The following PHF8 variants were observed in gnomAD, a reference collection of about 807,000 sequenced individuals.
PHF8 encodes histone lysine demethylase PHF8.
In PHF8, 9 loss-of-function variants were observed where a neutral mutation model predicts 74.4. The observed-to-expected ratio is 0.12, with a 90% CI of 0.07 to 0.21. The LOEUF (loss-of-function observed/expected upper bound fraction) is 0.21. Ranked by LOEUF, PHF8 falls within the 10% of genes least tolerant of loss-of-function variation. The pLI is 1.00. For missense variants in PHF8, 478 were observed against 816.6 expected, an observed-to-expected ratio of 0.59 and a Z score of 5.05; for synonymous variants, 311 against 316.6, an observed-to-expected ratio of 0.98 and a Z score of 0.19.
chrX:54,044,207 C>T lies in PHF8; in HGVS notation c.-538G>A. ...ACGGGCAAGTGGCGTCGTCGCTGGG[C>T]CGGCAGGAGATACTCGCGAGCAAAC... On this transcript the variant is annotated 5_prime_UTR_variant, in exon 1 of 22. Transcript: ENST00000338154. The T allele has an allele frequency of 1.3e-6, 1 of 755,028 alleles. No homozygotes were observed. Among genetic ancestry groups the T allele is most frequent in the Non-Finnish European group, 1.6e-6 (1 of 639,431 alleles). The allele number at this position is 755,028 out of a possible 1,213,427, so 62.2% of individuals were successfully genotyped here.
intron 2 of PHF8, among the ~76,000 whole-genome samples, chrX:54,037,014 A>T (rs1193672869): frequency 9.2e-6 from 1 of 108,720 alleles, no homozygotes; most frequent in Non-Finnish European, 1.9e-5. Context: ...AAAAAAAAAA[A>T]AAAGAAAAGA....
intron 19 of PHF8, among the ~76,000 whole-genome samples, chrX:53,961,893 C>T (rs782347862): frequency 1.8e-5 from 2 of 111,675 alleles, no homozygotes; most frequent in Non-Finnish European, 3.8e-5. Flanking sequence ...TTGCAGTTCT[C>T]CTCTCAAAAG....
intron 8 of PHF8, among the ~76,000 whole-genome samples, chrX:54,009,844 G>GAAAAAAAAAAA (rs782363250): frequency 1.1e-4 from 1 of 9,390 alleles, no homozygotes; most frequent in African/African-American, 1.6e-4. Flanking sequence ...CTCTGTCTCA[G>GAAAAAAAAAAA]AAAAAAAAAA....
chrX:54,026,921 T>C (rs1179193561), intron 2 of PHF8, among the ~76,000 whole-genome samples: 1 of 111,506 alleles, frequency 9.0e-6, no homozygotes, highest in Non-Finnish European at 1.9e-5. Context: ...ACTTCTACAC[T>C]TGATCTTAGC....
rs1245206411 is a variant in PHF8 at position 53,966,939 on chromosome X, T to C, written c.2444-4000A>G. ...CCCGGTCGCGACCCCGTCTGGGAGG[T>C]GAGGAGCGTCTCTGCCCAGCCGCCC... On this transcript the variant is annotated intron_variant, in intron 18 of 21. Coordinates refer to ENST00000338154, the MANE Select transcript of PHF8 (RefSeq NM_015107.3). Among the ~76,000 whole-genome samples the C allele has an allele frequency of 4.1e-5, 4 of 98,567 alleles. No individual in the cohort carries two copies. The East Asian group carries it at 1.3e-3, about 33-fold the overall frequency. The allele number at this position is 98,567 out of a possible 115,157, so 85.6% of individuals were successfully genotyped here.
rs2066605978 is a variant in PHF8 at position 54,043,917 on chromosome X, C to T, written c.-248G>A. The stretch of plus-strand genomic sequence containing the variant: ...TCAGCCCCAGCGACACGCCGGCAGC[C>T]GGGCTAGCTCCGGGACTGCGAAGCG... On this transcript the variant is annotated 5_prime_UTR_variant, in exon 1 of 22. Transcript: ENST00000338154. 10 of 754,794 alleles carry T rather than the reference C, an allele frequency of 1.3e-5. No individual in the cohort carries two copies. Among genetic ancestry groups the T allele is most frequent in the African/African-American group, 2.3e-5 (1 of 44,017 alleles). 62.2% of individuals were successfully genotyped at this position (754,794 alleles called of 1,213,427 possible).
intron 2 of PHF8, among the ~76,000 whole-genome samples, chrX:54,029,420 G>A (rs1603341754): frequency 1.8e-5 from 2 of 112,605 alleles, no homozygotes; most frequent in African/African-American, 3.2e-5. Flanking sequence ...CACACACAGC[G>A]TATGCTGGGG....
chrX:53,975,908 A>G (rs1557095914), intron 18 of PHF8, among the ~76,000 whole-genome samples: 1 of 112,232 alleles, frequency 8.9e-6, no homozygotes, highest in African/African-American at 3.2e-5. Context: ...TGATAGATAT[A>G]TCACTAAGCC....
At chrX:53,950,187 A>G (rs1309804265) in intron 19 of PHF8, among the ~76,000 whole-genome samples, 1 of 111,764 alleles carries the variant, frequency 8.9e-6, no homozygotes, top group African/African-American at 3.2e-5. Flanking sequence ...ACACCTTGAA[A>G]AACAGCAGTC....
At position 54,014,681 on chromosome X, in the gene PHF8, A is replaced by G. The variant is rs183343310; in HGVS notation, c.597-118T>C. ...ATAAGTCAGAGAACAAGTTCCCTCC[A>G]CAGAATCCCCAAAGGCACATAGGAC... On this transcript the variant is annotated intron_variant, in intron 6 of 21. Coordinates refer to ENST00000338154, the MANE Select transcript of PHF8 (RefSeq NM_015107.3). 1.3e-5 allele frequency: 7 copies of G among 531,276 alleles called. No individual in the cohort carries two copies. The East Asian group carries it at 2.5e-4, about 19-fold the overall frequency. The allele number at this position is 531,276 out of a possible 1,213,427, so 43.8% of individuals were successfully genotyped here. A position where few individuals can be genotyped will look rare whatever the true frequency, so the allele number is the denominator to read the frequency against.
In PHF8 at chrX:53,936,891, G is replaced by A. The variant is rs781839795; in HGVS notation, c.*2267C>T. 5 of 110,879 alleles carry A rather than the reference G, an allele frequency of 4.5e-5. No homozygotes were observed. The South Asian group carries it at 1.9e-3, about 43-fold the overall frequency. 9.1% of individuals were successfully genotyped at this position (110,879 alleles called of 1,213,427 possible). A position where few individuals can be genotyped will look rare whatever the true frequency, so the allele number is the denominator to read the frequency against. On this transcript the variant is annotated 3_prime_UTR_variant, in exon 22 of 22. Coordinates refer to ENST00000338154, the MANE Select transcript of PHF8 (RefSeq NM_015107.3). ...AATATATTTAGACATGTACAGAAGC[G>A]GTGGGCTTGTTTTTAAATTGTTTGC...
intron 18 of PHF8, among the ~76,000 whole-genome samples, chrX:53,980,470 C>G (rs1297533269): frequency 9.0e-6 from 1 of 110,812 alleles, no homozygotes; most frequent in Non-Finnish European, 1.9e-5. Flanking sequence ...TCAGGAAAAA[C>G]CAACTCTGCC....
At chrX:54,009,844 G>GGAAAAAAAAAAAAAAAAAAAA (rs2065952773) in intron 8 of PHF8, among the ~76,000 whole-genome samples, 7 of 9,388 alleles carry the variant, frequency 7.5e-4, no homozygotes, top group African/African-American at 9.4e-4. Context: ...CTCTGTCTCA[G>GGAAAAAAAAAAAAAAAAAAAA]AAAAAAAAAA....
chrX:53,938,218 T>C lies in PHF8; in HGVS notation c.*940A>G. 6 of 1,058,249 alleles carry C rather than the reference T, an allele frequency of 5.7e-6. 1 individual carries two copies. In the South Asian group the frequency reaches 1.1e-4, roughly 20 times the overall value. The allele number at this position is 1,058,249 out of a possible 1,213,427, so 87.2% of individuals were successfully genotyped here. ...ATAATGTCCAGGCTGTGCTCTGTGG[T>C]ATAGGCGGAGCAAGCAGGCTGTAGG... is the stretch of plus-strand genomic sequence containing the variant. On this transcript the variant is annotated 3_prime_UTR_variant, in exon 22 of 22. Transcript: ENST00000338154.
intron 2 of PHF8, among the ~76,000 whole-genome samples, chrX:54,027,777 G>A (rs1487604105): frequency 9.0e-6 from 1 of 110,826 alleles, no homozygotes; most frequent in African/African-American, 3.3e-5. Context: ...TCTAGGTGCT[G>A]GTGAGACGAA....
Position 54,044,071 on chromosome X carries a change from A to C in PHF8, c.-402T>G. 1 of 755,248 alleles carries C rather than the reference A, an allele frequency of 1.3e-6. No homozygotes were observed. 62.2% of individuals were successfully genotyped at this position (755,248 alleles called of 1,213,427 possible). ...GCCCCCCGCTGGGTCGCGCGGCGCC[A>C]GCCGCTCAACGGTGCTTCAGAGCAG... On this transcript the variant is annotated 5_prime_UTR_variant, in exon 1 of 22. Coordinates refer to ENST00000338154, the MANE Select transcript of PHF8 (RefSeq NM_015107.3).
intron 2 of PHF8, among the ~76,000 whole-genome samples, chrX:54,026,345 T>G (rs1557111419): frequency 1.1e-5 from 1 of 94,266 alleles, no homozygotes; most frequent in Admixed American, 1.1e-4. Context: ...CAAAGCAAGA[T>G]TCCATCTCAA....
intron 2 of PHF8, among the ~76,000 whole-genome samples, chrX:54,041,348 C>A (rs1369078664): frequency 9.6e-6 from 1 of 104,267 alleles, no homozygotes; most frequent in Non-Finnish European, 2.0e-5. Context: ...CATGCCATTG[C>A]ACTCCAGCCT....
At chrX:54,025,123 G>A (rs948931604) in intron 2 of PHF8, among the ~76,000 whole-genome samples, 2 of 111,139 alleles carry the variant, frequency 1.8e-5, no homozygotes, top group Non-Finnish European at 3.8e-5. Flanking sequence ...TGATCCGCCC[G>A]CCTCGGCCTC....
Sources: gnomAD v4.1 joint callset for allele counts (sites outside exome capture counted in the v4.1 genomes callset) on GRCh38, gnomAD v4.1.1 for gene constraint, MANE v1.5 for transcripts, NCBI Gene and HGNC (gene_info 2026-07-23, HGNC 2026-07-21) for gene names.